DIAPH3: variants seen among roughly 807,000 people sequenced by gnomAD.
DIAPH3 encodes the protein protein diaphanous homolog 3.
A neutral mutation model predicts 144.3 loss-of-function variants in DIAPH3; 117 were observed. That is an observed-to-expected ratio of 0.81 (90% CI 0.70 to 0.95). The LOEUF (loss-of-function observed/expected upper bound fraction) is 0.95. Among genes scored for constraint, DIAPH3 ranks in the 40% least tolerant of loss-of-function variants. DIAPH3 has a pLI of 0.00. For synonymous variants in DIAPH3, 519 were observed against 488.9 expected, an observed-to-expected ratio of 1.06 and a Z score of -0.81; for missense variants, 1,421 against 1,412.7, an observed-to-expected ratio of 1.01 and a Z score of -0.09.
rs151243059 is a variant in DIAPH3 at position 60,028,166 on chromosome 13, C to T, written c.627-12021G>A. Among the ~76,000 whole-genome samples the T allele has an allele frequency of 7.5e-3, 1,146 of 152,250 alleles. 5 individuals carry two copies. The highest frequency in any genetic ancestry group is 0.013 in the Non-Finnish European group (853 of 68,020). On this transcript the variant is annotated intron_variant, in intron 5 of 27. Transcript: ENST00000400324. ...CCATGTGTTCACCAAGTTCCATTCA[C>T]TTGACCTCAGATACCCCTCAAGTTA...
chr13:59,747,891 T>A (rs1170693346), intron 27 of DIAPH3, among the ~76,000 whole-genome samples: 2 of 152,174 alleles, frequency 1.3e-5, no homozygotes, highest in African/African-American at 4.8e-5. Flanking sequence ...GCCACTACAA[T>A]CAAGTGGACT....
intron 27 of DIAPH3, among the ~76,000 whole-genome samples, chr13:59,697,491 A>AAAAAAAAAAAAAAAAG (rs1555274392): frequency 2.7e-4 from 21 of 78,068 alleles, no homozygotes; most frequent in East Asian, 5.2e-4. Flanking sequence ...AAAAAAAAAA[A>AAAAAAAAAAAAAAAAG]AAGAAGAGGG....
chr13:59,925,754 T>G (rs2047721585), intron 17 of DIAPH3, among the ~76,000 whole-genome samples: 1 of 152,146 alleles, frequency 6.6e-6, no homozygotes, highest in African/African-American at 2.4e-5. Flanking sequence ...TGATTTAATC[T>G]TGGTAGCTAC....
At position 59,916,278 on chromosome 13, in the gene DIAPH3, T is replaced by C. The variant is rs565791624; in HGVS notation, c.2171-29A>G. Reference sequence around the variant, plus strand: ...AGAAGGAGAAAGAGAGAAAGGTTTATAATGAATAAGGTTTAAAAAAGTATT... The same window carrying C: ...AGAAGGAGAAAGAGAGAAAGGTTTACAATGAATAAGGTTTAAAAAAGTATT... On this transcript the variant is annotated intron_variant, in intron 18 of 27. Coordinates refer to ENST00000400324, the MANE Select transcript of DIAPH3 (RefSeq NM_001042517.2). The C allele has an allele frequency of 1.4e-5, 21 of 1,552,078 alleles. No homozygotes were observed. The South Asian group carries it at 2.2e-4, about 16-fold the overall frequency.
At chr13:59,907,606 A>T (rs983672149) in intron 20 of DIAPH3, among the ~76,000 whole-genome samples, 3 of 152,194 alleles carry the variant, frequency 2.0e-5, no homozygotes, top group Non-Finnish European at 2.9e-5. Flanking sequence ...TTACGACCAC[A>T]TGTTACCAGC....
At chr13:59,824,915 G>C (rs1857007000) in intron 24 of DIAPH3, among the ~76,000 whole-genome samples, 1 of 152,074 alleles carries the variant, frequency 6.6e-6, no homozygotes, top group South Asian at 2.1e-4. Context: ...ATGTTCGTGT[G>C]CTCAAAAATA....
chr13:59,817,042 A>C (rs1166818085), intron 24 of DIAPH3, among the ~76,000 whole-genome samples: 1 of 151,764 alleles, frequency 6.6e-6, no homozygotes, highest in Non-Finnish European at 1.5e-5. Flanking sequence ...TCATCCTTTT[A>C]ATTTTATTTC....
At chr13:59,750,762 T>C (rs1445499864) in intron 27 of DIAPH3, among the ~76,000 whole-genome samples, 1 of 152,186 alleles carries the variant, frequency 6.6e-6, no homozygotes, top group Non-Finnish European at 1.5e-5. Context: ...CGTTGATCTG[T>C]CTCCTATAGC....
At chr13:60,132,093 A>G (rs989766808) in intron 2 of DIAPH3, among the ~76,000 whole-genome samples, 4 of 152,230 alleles carry the variant, frequency 2.6e-5, no homozygotes, top group African/African-American at 9.6e-5. Flanking sequence ...CTTAGGTACT[A>G]TTCAAAGGAA....
chr13:60,092,630 G>C (rs9563785), intron 4 of DIAPH3, among the ~76,000 whole-genome samples: 5 of 151,808 alleles, frequency 3.3e-5, no homozygotes, highest in Admixed American at 2.0e-4. Context: ...CAGCCTGGGC[G>C]ACAGAGTGAG....
At chr13:59,929,738 A>ATT (rs78484126) in intron 17 of DIAPH3, among the ~76,000 whole-genome samples, 28 of 138,232 alleles carry the variant, frequency 2.0e-4, no homozygotes, top group African/African-American at 7.1e-4. Context: ...TAATTTTTGT[A>ATT]TTTTTTTTTT....
At chr13:59,895,387 A>C (rs1342991471) in intron 20 of DIAPH3, among the ~76,000 whole-genome samples, 1 of 151,596 alleles carries the variant, frequency 6.6e-6, no homozygotes, top group Non-Finnish European at 1.5e-5. Context: ...AGTAATGGAA[A>C]ATAGCAGACT....
chr13:59,865,111 G>C (rs1593738348), intron 21 of DIAPH3, among the ~76,000 whole-genome samples: 1 of 151,886 alleles, frequency 6.6e-6, no homozygotes, highest in African/African-American at 2.4e-5. Context: ...ATGCTGCCAA[G>C]ATACTCTTCC....
chr13:59,806,735 G>A (rs1461499190), intron 25 of DIAPH3, among the ~76,000 whole-genome samples: 2 of 151,748 alleles, frequency 1.3e-5, no homozygotes, highest in Non-Finnish European at 2.9e-5. Flanking sequence ...AAAACTTGAT[G>A]AATAAAAGAA....
intron 27 of DIAPH3, among the ~76,000 whole-genome samples, chr13:59,669,191 T>C (rs1173301860): frequency 6.6e-6 from 1 of 152,214 alleles, no homozygotes; most frequent in Non-Finnish European, 1.5e-5. Context: ...GTAAAGCAGA[T>C]AGTACACCTA....
chr13:59,932,285 A>C (rs1234194371), intron 17 of DIAPH3, among the ~76,000 whole-genome samples: 2 of 152,170 alleles, frequency 1.3e-5, no homozygotes. Flanking sequence ...AAGTAACCGT[A>C]AATTTTAAAT....
intron 24 of DIAPH3, among the ~76,000 whole-genome samples, chr13:59,818,261 G>C (rs2040884383): frequency 6.6e-6 from 1 of 151,788 alleles, no homozygotes; most frequent in Non-Finnish European, 1.5e-5. Flanking sequence ...TTTAACATAA[G>C]GATGTTGATG....
At chr13:59,995,171 G>A (rs563381612) in intron 9 of DIAPH3, among the ~76,000 whole-genome samples, 54 of 151,760 alleles carry the variant, frequency 3.6e-4, no homozygotes, top group Non-Finnish European at 6.8e-4. Flanking sequence ...TGATTGAGAT[G>A]TATATTAGAA....
chr13:59,950,776 A>C (rs1490041534), intron 17 of DIAPH3, among the ~76,000 whole-genome samples: 1 of 152,096 alleles, frequency 6.6e-6, no homozygotes, highest in Non-Finnish European at 1.5e-5. Flanking sequence ...ATACTATACG[A>C]TCAGTCAAGA....
Sources: gnomAD v4.1 joint callset for allele counts (sites outside exome capture counted in the v4.1 genomes callset) on GRCh38, gnomAD v4.1.1 for gene constraint, MANE v1.5 for transcripts, NCBI Gene and HGNC (gene_info 2026-07-23, HGNC 2026-07-21) for gene names.